The following AOPEP variants were observed in gnomAD, a reference collection of about 807,000 sequenced individuals.
AOPEP encodes aminopeptidase O (putative).
Under a neutral mutation model 98.1 loss-of-function variants are expected in AOPEP, and 77 were observed. That is an observed-to-expected ratio of 0.78 (90% CI 0.65 to 0.95). The LOEUF (loss-of-function observed/expected upper bound fraction) is 0.95, where lower values mean the gene tolerates loss of function less well. Among genes scored for constraint, AOPEP ranks in the 40% least tolerant of loss-of-function variants. The probability of loss-of-function intolerance (pLI) is 0.00; values close to 1 mark genes in which losing one functional copy is unlikely to be tolerated. For synonymous variants in AOPEP, 346 were observed against 365.3 expected (o/e 0.95, Z 0.60); for missense variants, 1,024 against 1,024.7 (o/e 1.00, Z 0.01).
intron 1 of AOPEP, among the ~76,000 whole-genome samples, chr9:94,753,175 T>G (rs944760356): frequency 4.5e-4 from 69 of 152,162 alleles, no homozygotes; most frequent in African/African-American, 1.6e-3. Context: ...GGTTGCTGTT[T>G]GAAGCTACAA....
chr9:94,750,068 C>T (rs1835340203), intron 1 of AOPEP, among the ~76,000 whole-genome samples: 1 of 152,176 alleles, frequency 6.6e-6, no homozygotes, highest in Non-Finnish European at 1.5e-5. Context: ...CTGTGGAGAG[C>T]AATCAAAATC....
chr9:95,039,832 A>G (rs2065137644), intron 13 of AOPEP, among the ~76,000 whole-genome samples: 1 of 152,216 alleles, frequency 6.6e-6, no homozygotes. Context: ...GTCAAGAACA[A>G]TGATTTGTGA....
At chr9:94,794,319 TC>T (rs2133531164) in intron 4 of AOPEP, among the ~76,000 whole-genome samples, 1 of 152,362 alleles carries the variant, frequency 6.6e-6, no homozygotes, top group African/African-American at 2.4e-5. Context: ...GTGTCATTTT[TC>T]CTATTGACAG....
intron 5 of AOPEP, among the ~76,000 whole-genome samples, chr9:94,833,507 G>A (rs1051399515): frequency 6.6e-6 from 1 of 152,058 alleles, no homozygotes; most frequent in African/African-American, 2.4e-5. Context: ...AAAGTGCTGG[G>A]ATTACAGGTG....
intron 13 of AOPEP, among the ~76,000 whole-genome samples, chr9:95,034,805 C>T (rs1362911071): frequency 2.0e-5 from 3 of 152,174 alleles, no homozygotes; most frequent in Admixed American, 6.5e-5. Context: ...ATACAGATCT[C>T]TCAGAAGAGG....
At chr9:95,080,515 C>T (rs2069620340) in intron 14 of AOPEP, among the ~76,000 whole-genome samples, 179 bp from the exon 15 acceptor site, 2 of 151,870 alleles carry the variant, frequency 1.3e-5, no homozygotes, top group African/African-American at 2.4e-5. Context: ...GTCTCTGTCT[C>T]AAAGAAAATA....
intron 5 of AOPEP, among the ~76,000 whole-genome samples, chr9:94,826,923 T>A (rs1166849869): frequency 6.6e-6 from 1 of 152,190 alleles, no homozygotes; most frequent in Non-Finnish European, 1.5e-5. Context: ...TCATTGTTCA[T>A]CTTTGCAGAA....
chr9:94,774,020 A>G (rs534023098), intron 3 of AOPEP, among the ~76,000 whole-genome samples: 1 of 152,258 alleles, frequency 6.6e-6, no homozygotes, highest in East Asian at 1.9e-4. Flanking sequence ...TGTCTACCTC[A>G]GCCTCCCAAA....
chr9:94,884,175 C>T (rs1354247657), intron 5 of AOPEP, among the ~76,000 whole-genome samples: 3 of 152,170 alleles, frequency 2.0e-5, no homozygotes, highest in East Asian at 1.9e-4. Context: ...AGACAGATGG[C>T]GAGAAGAAGA....
At chr9:94,735,001 GCT>G (rs1357981046) in intron 1 of AOPEP, among the ~76,000 whole-genome samples, 1 of 152,102 alleles carries the variant, frequency 6.6e-6, no homozygotes, top group Non-Finnish European at 1.5e-5. Context: ...ATACAAGAGA[GCT>G]TTTCACTTTG....
At chr9:94,857,046 A>C (rs985374022) in intron 5 of AOPEP, among the ~76,000 whole-genome samples, 2 of 152,186 alleles carry the variant, frequency 1.3e-5, no homozygotes, top group African/African-American at 4.8e-5. Context: ...CCTGCTCTGG[A>C]CATATTATTG....
chr9:95,143,125 A>ACT, the AOPEP span, among the ~76,000 whole-genome samples: 2 of 152,232 alleles, frequency 1.3e-5, no homozygotes, highest in Non-Finnish European at 2.9e-5. Flanking sequence ...GAACTCAGGA[A>ACT]GACACTTTAC....
At chr9:94,811,844 A>G (rs931615011) in intron 5 of AOPEP, among the ~76,000 whole-genome samples, 2 of 152,074 alleles carry the variant, frequency 1.3e-5, no homozygotes, top group Non-Finnish European at 2.9e-5. Flanking sequence ...ATCTCTCTGA[A>G]TTTTACCTGT....
At chr9:95,084,037 CATT>C (rs764276510) in intron 16 of AOPEP, among the ~76,000 whole-genome samples, 39 of 152,270 alleles carry the variant, frequency 2.6e-4, no homozygotes, top group East Asian at 7.7e-4. Context: ...TAACAATCAT[CATT>C]ATTTCTGTGT....
Position 94,760,572 on chromosome 9 carries a change from G to C in AOPEP, c.789G>C (p.Gln263His), listed in dbSNP as rs1303383934. 7.8e-6 allele frequency: 12 copies of C among 1,537,502 alleles called. No individual in the cohort carries two copies. The highest frequency in any genetic ancestry group is 1.0e-5 in the Non-Finnish European group (12 of 1,146,188). Residue 263 changes from glutamine (Q) to histidine (H), a missense_variant, in exon 2 of 17, where the codon CAG becomes CAC. This residue lies in a region of AOPEP where 440 missense variants were observed against 433.8 expected (regional missense o/e 1.01). Transcript: ENST00000375315. ...EGRSVTWTSD[Q>H]SGRPCVYTVG... Reference sequence around the variant, plus strand: ...GATCGGTTACATGGACCTCAGACCAGAGTGGCAGGTAGGTTATCCAAGCAC... The same window carrying C: ...GATCGGTTACATGGACCTCAGACCACAGTGGCAGGTAGGTTATCCAAGCAC...
Position 94,759,447 on chromosome 9 carries a change from G to C in AOPEP, c.-135-202G>C, listed in dbSNP as rs180929199. Among the ~76,000 whole-genome samples, 9 of 152,340 alleles carry C rather than the reference G, an allele frequency of 5.9e-5. No homozygotes were observed. In the East Asian group the frequency reaches 1.7e-3, roughly 29 times the overall value. ...GCTTTGTGGAGGCCCATGCCATCCA[G>C]TTGGTAATTGAAATATTTTTAGAAA... On this transcript the variant is annotated intron_variant, in intron 1 of 16. Transcript: ENST00000375315.
chr9:94,933,245 C>G (rs1219229168), intron 7 of AOPEP: 1 of 985,496 alleles, frequency 1.0e-6, no homozygotes, highest in African/African-American at 1.7e-5. Flanking sequence ...CTCGCCATGC[C>G]TCCTGTCTCC....
At chr9:95,063,120 A>G (rs575073386) in intron 14 of AOPEP, among the ~76,000 whole-genome samples, 12 of 152,234 alleles carry the variant, frequency 7.9e-5, no homozygotes, top group Non-Finnish European at 1.8e-4. Flanking sequence ...GCCAGCACGG[A>G]AAATGAGCCG....
intron 13 of AOPEP, among the ~76,000 whole-genome samples, chr9:95,034,018 G>A (rs991502809): frequency 6.6e-6 from 1 of 152,108 alleles, no homozygotes; most frequent in Non-Finnish European, 1.5e-5. Flanking sequence ...TGTTAGTTCT[G>A]TGAGGTCATT....
Sources: allele counts gnomAD v4.1 joint callset (sites outside exome capture counted in the v4.1 genomes callset), GRCh38; gene constraint gnomAD v4.1.1; regional missense constraint gnomAD v4.1.1; transcripts MANE v1.5; gene names NCBI Gene and HGNC (gene_info 2026-07-23, HGNC 2026-07-21).